The following MROH9 variants were observed in gnomAD, a reference collection of about 807,000 sequenced individuals.
The protein encoded by MROH9 is maestro heat-like repeat-containing protein family member 9.
MROH9 carries 92 observed loss-of-function variants against 98.2 expected under a neutral mutation model. The ratio of observed to expected loss-of-function variants is 0.94; its 90% confidence interval spans 0.79 to 1.11. MROH9 has a LOEUF of 1.11. Among genes scored for constraint, MROH9 ranks in the 50% most tolerant of loss-of-function variants. The pLI, the probability that MROH9 is intolerant of heterozygous loss-of-function variation, is 0.00. For synonymous variants in MROH9, 397 were observed against 368.9 expected, an observed-to-expected ratio of 1.08 and a Z score of -0.87; for missense variants, 1,057 against 1,014.8, an observed-to-expected ratio of 1.04 and a Z score of -0.57.
chr1:171,016,288 C>G lies in MROH9; in HGVS notation c.1860C>G (p.Tyr620Ter). ...TAAACGAACTGGACAAAGTGACCTA[C>G]TCTTTGGGTACCAGAATTGGTTCCA... ...RLLNELDKVTYSLGTRIGSSY... is the reference protein window; with the variant it reads ...RLLNELDKVT The change falls in exon 17 of 22, where the codon TAC (tyrosine) becomes TAG (stop). Residue 620 changes from tyrosine (Y) to a stop codon, truncating the protein, a stop_gained. Transcript: ENST00000367759. LOFTEE classifies it high-confidence loss of function. The G allele has an allele frequency of 1.3e-6, 2 of 1,537,980 alleles. No individual in the cohort carries two copies. The highest frequency in any genetic ancestry group is 2.5e-5 in the South Asian group (2 of 81,428).
chr1:170,986,606 C>A lies in MROH9; in HGVS notation c.775C>A (p.Gln259Lys). The change falls in exon 10 of 22, where the codon CAG (glutamine) becomes AAG (lysine). Residue 259 changes from glutamine (Q) to lysine (K), a missense_variant. Coordinates refer to ENST00000367759, the MANE Select transcript of MROH9 (RefSeq NM_001163629.2). The stretch of plus-strand genomic sequence containing the variant: ...GCCTCCCTTGCTGACTGACTTTGTG[C>A]AGAGTCTCCTGATGAAACTCTCTTC... ...LLPPLLTDFVQSLLMKLSSPD... is the reference protein window; with the variant it reads ...LLPPLLTDFVKSLLMKLSSPD... 1 of 1,613,776 alleles carries A rather than the reference C, an allele frequency of 6.2e-7. No individual in the cohort carries two copies. The highest frequency in any genetic ancestry group is 8.5e-7 in the Non-Finnish European group (1 of 1,179,860).
intron 20 of MROH9, among the ~76,000 whole-genome samples, chr1:171,029,923 C>T (rs1394482160): frequency 6.6e-6 from 1 of 152,094 alleles, no homozygotes; most frequent in Non-Finnish European, 1.5e-5. Context: ...TCCATCTGTT[C>T]CTGGGCTTTT....
intron 13 of MROH9, among the ~76,000 whole-genome samples, chr1:170,996,054 G>T (rs1249530203): frequency 6.6e-6 from 1 of 152,032 alleles, no homozygotes; most frequent in African/African-American, 2.4e-5. Context: ...TTTGCCCAAG[G>T]GTGTACAGTT....
At chr1:171,042,152 C>T (rs905425960) in intron 20 of MROH9, among the ~76,000 whole-genome samples, 2 of 152,068 alleles carry the variant, frequency 1.3e-5, no homozygotes, top group Non-Finnish European at 2.9e-5. Context: ...CCCTTTCTAG[C>T]TTCTGGTAAC....
chr1:171,053,768 A>C (rs980320516), intron 20 of MROH9, among the ~76,000 whole-genome samples: 4 of 152,206 alleles, frequency 2.6e-5, no homozygotes, highest in Non-Finnish European at 5.9e-5. Flanking sequence ...AAAAGCTTAA[A>C]AGAAAATTGG....
chr1:170,945,272 C>T (rs1032208159), intron 1 of MROH9, among the ~76,000 whole-genome samples: 1 of 152,074 alleles, frequency 6.6e-6, no homozygotes. Flanking sequence ...TCCAAGTTGA[C>T]ATCTTGAGTC....
At chr1:170,950,354 A>G (rs535822969) in intron 3 of MROH9, among the ~76,000 whole-genome samples, 51 of 152,216 alleles carry the variant, frequency 3.4e-4, no homozygotes, top group African/African-American at 1.2e-3. Flanking sequence ...TCAGACTTAG[A>G]ATAGTCCATA....
At chr1:171,044,835 T>A (rs1020744939) in intron 20 of MROH9, among the ~76,000 whole-genome samples, 1 of 151,970 alleles carries the variant, frequency 6.6e-6, no homozygotes, top group Non-Finnish European at 1.5e-5. Context: ...TTATTTTATT[T>A]GGATCCTCTC....
chr1:170,953,818 TGAAA>T (rs200392090), intron 3 of MROH9, among the ~76,000 whole-genome samples: 1,375 of 91,068 alleles, frequency 0.015, 12 homozygotes, highest in Non-Finnish European at 0.022. Flanking sequence ...GAGAGAGAGA[TGAAA>T]GAAAGAAAAA....
chr1:170,998,603 G>C (rs1428436445), intron 15 of MROH9: 4 of 1,299,942 alleles, frequency 3.1e-6, no homozygotes, highest in South Asian at 1.9e-5. Flanking sequence ...GTTTAATAAA[G>C]ATGGTAGTTA....
Position 171,049,223 on chromosome 1 carries a change from G to A in MROH9, c.2282-12909G>A, listed in dbSNP as rs144834500. Among the ~76,000 whole-genome samples the A allele has an allele frequency of 9.2e-5, 14 of 152,258 alleles. No individual in the cohort carries two copies. The East Asian group carries it at 2.7e-3, about 29-fold the overall frequency. ...CCTTCATAAGAACCCAAAGTCAGGT[G>A]AGCATGCATAGTACCTGGTTTTAAC... On this transcript the variant is annotated intron_variant, in intron 20 of 21. Transcript: ENST00000367759.
At chr1:170,952,796 AT>A (rs942620951) in intron 3 of MROH9, among the ~76,000 whole-genome samples, 4 of 151,782 alleles carry the variant, frequency 2.6e-5, no homozygotes, top group African/African-American at 9.7e-5. Flanking sequence ...TAGCAACAGT[AT>A]CAATGCCTTT....
intron 20 of MROH9, among the ~76,000 whole-genome samples, chr1:171,057,501 T>C (rs78653633): frequency 1.5e-4 from 23 of 152,238 alleles, no homozygotes; most frequent in Middle Eastern, 3.4e-3. Flanking sequence ...CTGGAATACC[T>C]GAAGGAGATG....
chr1:170,944,761 G>A (rs544528534), intron 1 of MROH9, among the ~76,000 whole-genome samples: 1 of 152,004 alleles, frequency 6.6e-6, no homozygotes, highest in South Asian at 2.1e-4. Flanking sequence ...AAATCTATGT[G>A]GTAAGTAGAA....
intron 8 of MROH9, among the ~76,000 whole-genome samples, chr1:170,977,153 C>T (rs1650733806): frequency 1.3e-5 from 2 of 152,090 alleles, no homozygotes; most frequent in African/African-American, 4.8e-5. Context: ...TATTGTGAGT[C>T]TTAGTTTCCT....
At chr1:170,965,023 TGTA>T (rs1650175269) in intron 6 of MROH9, 125 bp from the exon 7 acceptor site, 1 of 590,298 alleles carries the variant, frequency 1.7e-6, no homozygotes. Flanking sequence ...TTGAGATAAA[TGTA>T]GGTTAAGTGT....
rs765298917 is a variant in MROH9, at chr1:170,986,548, T to A, written c.730-13T>A. 5 of 1,610,986 alleles carry A rather than the reference T, an allele frequency of 3.1e-6. No individual in the cohort carries two copies. Among genetic ancestry groups the A allele is most frequent in the Admixed American group, 3.3e-5 (2 of 59,746 alleles). On this transcript the variant is annotated splice_polypyrimidine_tract_variant and intron_variant, in intron 9 of 21. Transcript: ENST00000367759. Reference sequence around the variant, plus strand: ...GTAAGGCCTGAGGTCATGATTATCCTTTGTGGTTGCAGAGAGTAGGGCAAA... The same window carrying A: ...GTAAGGCCTGAGGTCATGATTATCCATTGTGGTTGCAGAGAGTAGGGCAAA...
intron 3 of MROH9, among the ~76,000 whole-genome samples, chr1:170,951,597 C>A (rs1258812998): frequency 6.6e-6 from 1 of 152,036 alleles, no homozygotes. Context: ...CATGTCTGGG[C>A]CACTCAAGAT....
chr1:171,026,686 T>G (rs1369667474), intron 20 of MROH9, among the ~76,000 whole-genome samples: 1 of 152,118 alleles, frequency 6.6e-6, no homozygotes, highest in Non-Finnish European at 1.5e-5. Flanking sequence ...AAATAAGTAA[T>G]TTTAAAAAAG....
Sources: gnomAD v4.1 joint callset for allele counts (sites outside exome capture counted in the v4.1 genomes callset) on GRCh38, gnomAD v4.1.1 for gene constraint, MANE v1.5 for transcripts, NCBI Gene and HGNC (gene_info 2026-07-23, HGNC 2026-07-21) for gene names.